CYP4F2: variants seen among roughly 807,000 people sequenced by gnomAD.
The protein encoded by CYP4F2 is cytochrome P450 4F2.
A neutral mutation model predicts 58.9 loss-of-function variants in CYP4F2; 58 were observed. The ratio of observed to expected loss-of-function variants is 0.98; its 90% confidence interval spans 0.80 to 1.23. The LOEUF is 1.23. Among genes scored for constraint, CYP4F2 ranks in the 50% most tolerant of loss-of-function variants. The probability of loss-of-function intolerance (pLI) is 0.00; values close to 1 mark genes in which losing one functional copy is unlikely to be tolerated. For missense variants in CYP4F2, 616 were observed against 685.6 expected (o/e 0.90, Z 1.13); for synonymous variants, 287 against 261.1 (o/e 1.10, Z -0.95).
Position 15,879,788 on chromosome 19 carries a change from G to C in CYP4F2, c.1225C>G (p.Pro409Ala). The change falls in exon 10 of 13, where the codon CCA (proline) becomes GCA (alanine). Residue 409 changes from proline to alanine, a missense_variant. Transcript: ENST00000221700. ...SRHVTQDIVL[P>A]DGRVIPKGII... ...CCTTTGGGGATGACCCGGCCGTCTGGGAGCACAATGTCCTGGGTGACATGG... is the reference window on the plus strand; with the variant it reads ...CCTTTGGGGATGACCCGGCCGTCTGCGAGCACAATGTCCTGGGTGACATGG... The C allele has an allele frequency of 6.2e-7, 1 of 1,614,152 alleles. No homozygotes were observed. Among genetic ancestry groups the C allele is most frequent in the Non-Finnish European group, 8.5e-7 (1 of 1,180,030 alleles).
At chr19:15,888,267 CAGAT>C (rs761030730) in intron 7 of CYP4F2, among the ~76,000 whole-genome samples, 11 of 151,946 alleles carry the variant, frequency 7.2e-5, no homozygotes, top group Non-Finnish European at 1.0e-4. Flanking sequence ...AACATAGACA[CAGAT>C]AGACACAGAC....
At chr19:15,886,344 C>T in intron 7 of CYP4F2, 36 bp from the exon 8 acceptor site, 1 of 1,611,140 alleles carries the variant, frequency 6.2e-7, no homozygotes, top group African/African-American at 1.3e-5. Context: ...CAACCCCCAC[C>T]CCCATAAAAA....
At chr19:15,879,079 T>C (rs1309499968) in intron 12 of CYP4F2, 143 bp from the exon 13 acceptor site, 5 of 1,368,774 alleles carry the variant, frequency 3.7e-6, no homozygotes, top group Admixed American at 2.6e-5. Flanking sequence ...TGGATCCCCA[T>C]GCGGGCTTGC....
chr19:15,887,181 G>A (rs2089385192), intron 7 of CYP4F2, among the ~76,000 whole-genome samples: 1 of 148,972 alleles, frequency 6.7e-6, no homozygotes, highest in East Asian at 2.0e-4. Context: ...ACATAACACA[G>A]ATATAGACAC....
chr19:15,879,313 C>T, intron 12 of CYP4F2, 33 bp downstream of exon 12: 1 of 1,612,018 alleles, frequency 6.2e-7, no homozygotes, highest in Non-Finnish European at 8.5e-7. Context: ...CACCCATCAA[C>T]CCGTTCCCAC....
At position 15,890,439 on chromosome 19, in the gene CYP4F2, C is replaced by T. The variant is rs192895121; in HGVS notation, c.526-6G>A. ...GCCAGGAGCTGCCACTTGGCCTAGC[C>T]AGAGAAGGGGACAGAGCTGGGGCAG... On this transcript the variant is annotated splice_region_variant and splice_polypyrimidine_tract_variant and intron_variant, in intron 5 of 12. Transcript: ENST00000221700. 61 of 1,613,944 alleles carry T rather than the reference C, an allele frequency of 3.8e-5. No homozygotes were observed. The African/African-American group carries it at 5.9e-4, about 16-fold the overall frequency.
intron 9 of CYP4F2, among the ~76,000 whole-genome samples, chr19:15,880,733 C>G (rs949191993): frequency 2.0e-5 from 3 of 151,866 alleles, no homozygotes; most frequent in Non-Finnish European, 4.4e-5. Context: ...AAGAAACAAA[C>G]ATCAACACGT....
intron 2 of CYP4F2, among the ~76,000 whole-genome samples, chr19:15,896,278 A>G (rs888320285): frequency 1.5e-5 from 2 of 129,180 alleles, no homozygotes; most frequent in African/African-American, 2.8e-5. Context: ...ATCTATCTAC[A>G]TTCCTCCTGC....
At position 15,892,309 on chromosome 19, in the gene CYP4F2, G is replaced by A. The variant is rs534638070; in HGVS notation, c.525C>T (p.His175=). 51 of 1,614,136 alleles carry A rather than the reference G, an allele frequency of 3.2e-5. No homozygotes were observed. In the South Asian group the frequency reaches 4.2e-4, roughly 13 times the overall value. Reference sequence around the variant, plus strand: ...GGGACCTTGGCTTCAAATAACTCACGTGCATGATGTTCACACTCTCATTGA... The same window carrying A: ...GGGACCTTGGCTTCAAATAACTCACATGCATGATGTTCACACTCTCATTGA... ...KIFNESVNIM[H]AKWQLLASEG... Residue 175 remains histidine, a splice_region_variant and synonymous_variant, in exon 5 of 13, where the codon CAC becomes CAT. Coordinates refer to ENST00000221700, the MANE Select transcript of CYP4F2 (RefSeq NM_001082.5).
At chr19:15,895,251 G>A (rs1289730246) in intron 3 of CYP4F2, among the ~76,000 whole-genome samples, 2 of 152,144 alleles carry the variant, frequency 1.3e-5, no homozygotes, top group African/African-American at 4.8e-5. Flanking sequence ...AAAGTTGGGG[G>A]TTCCTCCAGG....
chr19:15,890,528 C>T, intron 5 of CYP4F2, 95 bp from the exon 6 acceptor site: 3 of 1,541,410 alleles, frequency 1.9e-6, no homozygotes, highest in South Asian at 1.2e-5. Flanking sequence ...CAGAATAAGC[C>T]TCTTCATCTT....
chr19:15,894,768 C>T (rs1013360323), intron 3 of CYP4F2, among the ~76,000 whole-genome samples: 3 of 152,164 alleles, frequency 2.0e-5, no homozygotes, highest in Non-Finnish European at 2.9e-5. Flanking sequence ...CAGCCTCGCC[C>T]GTCCAACGAT....
At chr19:15,896,068 C>CCA (rs1298763925) in intron 2 of CYP4F2, among the ~76,000 whole-genome samples, 11,109 of 140,292 alleles carry the variant, frequency 0.079, 460 homozygotes, top group African/African-American at 0.14. Flanking sequence ...GTCTATCTAT[C>CCA]TATCCATCCA....
chr19:15,879,615 G>A lies in CYP4F2; in HGVS notation c.1303C>T (p.Pro435Ser). The change falls in exon 11 of 13, where the codon CCG (proline) becomes TCG (serine). Residue 435 changes from proline (P) to serine (S), a missense_variant. Coordinates refer to ENST00000221700, the MANE Select transcript of CYP4F2 (RefSeq NM_001082.5). ...FGTHHNPAVW[P>S]DPEVYDPFRF... ...GAGGGGCCCCGCACCTCAGGGTCCG[G>A]CCACACAGCTGGGTTGTGATGGGTT... The A allele has an allele frequency of 6.2e-7, 1 of 1,614,132 alleles. No homozygotes were observed. The highest frequency in any genetic ancestry group is 8.5e-7 in the Non-Finnish European group (1 of 1,180,012).
At chr19:15,883,249 A>G (rs1404674974) in intron 9 of CYP4F2, among the ~76,000 whole-genome samples, 1 of 152,154 alleles carries the variant, frequency 6.6e-6, no homozygotes, top group Admixed American at 6.5e-5. Context: ...AATATATTAT[A>G]TAAGGAGCTC....
chr19:15,879,888 C>G lies in CYP4F2; in HGVS notation c.1125G>C (p.Leu375=). 3 of 1,614,158 alleles carry G rather than the reference C, an allele frequency of 1.9e-6. No individual in the cohort carries two copies. Among genetic ancestry groups the G allele is most frequent in the Non-Finnish European group, 2.5e-6 (3 of 1,180,032 alleles). ...REPKEIEWDD[L]AHLPFLTMCM... ...ACATGGTCAGGAAGGGCAAATGGGC[C>G]AGGTCGTCCCTAAGGAAACACCCCA... Residue 375 remains leucine (L), a synonymous_variant, in exon 10 of 13, where the codon CTG becomes CTC. Transcript: ENST00000221700.
intron 7 of CYP4F2, among the ~76,000 whole-genome samples, chr19:15,887,439 CACATAG>C (rs1334630972): frequency 6.6e-6 from 1 of 152,002 alleles, no homozygotes; most frequent in East Asian, 1.9e-4. Flanking sequence ...GACACACACA[CACATAG>C]ACAAAGTCAC....
intron 3 of CYP4F2, among the ~76,000 whole-genome samples, chr19:15,894,065 C>T (rs570746753): frequency 1.3e-5 from 2 of 152,336 alleles, no homozygotes; most frequent in South Asian, 2.1e-4. Context: ...TTCAGTTACA[C>T]AGACAGAAAA....
In CYP4F2 at chr19:15,878,803, C is replaced by T. The variant is rs746422239; in HGVS notation, c.1531G>A (p.Gly511Arg). 2.0e-5 allele frequency: 33 copies of T among 1,613,612 alleles called. No individual in the cohort carries two copies. Among genetic ancestry groups the T allele is most frequent in the Middle Eastern group, 1.6e-4 (1 of 6,078 alleles). Residue 511 changes from glycine to arginine, a missense_variant, in exon 13 of 13, where the codon GGA becomes AGA. Physicochemically the swap from Gly to Arg is moderately radical, Grantham distance 125. Coordinates refer to ENST00000221700, the MANE Select transcript of CYP4F2 (RefSeq NM_001082.5). Reference sequence around the variant, plus strand: ...AGGGGCTCCACCCGCAGCCAAAGTCCGCCCTCTGCGCGCAGGACCAGCTCC... The same window carrying T: ...AGGGGCTCCACCCGCAGCCAAAGTCTGCCCTCTGCGCGCAGGACCAGCTCC... ...KPELVLRAEG[G>R]LWLRVEPLS
Sources: allele counts gnomAD v4.1 joint callset (sites outside exome capture counted in the v4.1 genomes callset), GRCh38; gene constraint gnomAD v4.1.1; transcripts MANE v1.5; gene names NCBI Gene and HGNC (gene_info 2026-07-23, HGNC 2026-07-21).